Variants in SPTBN2 observed in about 807,000 individuals in gnomAD.
SPTBN2 encodes the protein spectrin beta, non-erythrocytic 2, also known as spectrin beta chain, non-erythrocytic 2.
SPTBN2 carries 107 observed loss-of-function variants against 284.2 expected under a neutral mutation model. The ratio of observed to expected loss-of-function variants is 0.38; its 90% confidence interval spans 0.32 to 0.44. The LOEUF (loss-of-function observed/expected upper bound fraction) is 0.44. Among genes scored for constraint, SPTBN2 ranks in the 20% least tolerant of loss-of-function variants. The pLI is 1.00. For missense variants in SPTBN2, 2,569 were observed against 3,287.1 expected, an observed-to-expected ratio of 0.78 and a Z score of 5.34; for synonymous variants, 1,289 against 1,354.8, an observed-to-expected ratio of 0.95 and a Z score of 1.07.
chr11:66,692,816 G>A, intron 25 of SPTBN2, 76 bp from the exon 26 acceptor site: 1 of 1,596,510 alleles, frequency 6.3e-7, no homozygotes, highest in Non-Finnish European at 8.5e-7. Context: ...GTGGAGCCCT[G>A]TCCCTCTGAG....
chr11:66,705,544 C>T (rs1941498196), intron 14 of SPTBN2, 76 bp from the exon 15 acceptor site: 4 of 1,607,212 alleles, frequency 2.5e-6, no homozygotes, highest in Non-Finnish European at 3.4e-6. Context: ...CTCTCTTGGA[C>T]TTCCCTCCCT....
rs990056397 is a variant in SPTBN2 at position 66,683,224 on chromosome 11, C to T, written c.*2647G>A. Among the ~76,000 whole-genome samples, 7 of 152,064 alleles carry T rather than the reference C, an allele frequency of 4.6e-5. No homozygotes were observed. The highest frequency in any genetic ancestry group is 1.2e-4 in the African/African-American group (5 of 41,506). The stretch of plus-strand genomic sequence containing the variant: ...CTGGGACTACAGGCGCCCGCCACTA[C>T]GCCCGGCTAATTTTTGTATTTTTAG... On this transcript the variant is annotated 3_prime_UTR_variant, in exon 38 of 38. Transcript: ENST00000533211.
upstream of SPTBN2, among the ~76,000 whole-genome samples, chr11:66,729,809 AT>A (rs1168094730): frequency 6.6e-6 from 1 of 151,926 alleles, no homozygotes; most frequent in Non-Finnish European, 1.5e-5. Flanking sequence ...ATTTATTATT[AT>A]TATTATTTTG....
In SPTBN2 at chr11:66,687,778, C is replaced by G; in HGVS notation, c.6501+90G>C. The G allele has an allele frequency of 6.3e-7, 1 of 1,594,810 alleles. No homozygotes were observed. Among genetic ancestry groups the G allele is most frequent in the South Asian group, 1.1e-5 (1 of 90,566 alleles). ...CTGTGAGCCTCTGCCCTCTCCCATC[C>G]CATCCCCAGTACTCCCCCACCCGCA... On this transcript the variant is annotated intron_variant, in intron 34 of 37. Transcript: ENST00000533211. The surrounding 1 kb of genome is among the most constrained non-coding windows in gnomAD (Gnocchi z 5.2).
chr11:66,704,761 C>A lies in SPTBN2; in HGVS notation c.2515G>T (p.Ala839Ser). The A allele has an allele frequency of 6.2e-7, 1 of 1,604,256 alleles. No homozygotes were observed. Among genetic ancestry groups the A allele is most frequent in the Non-Finnish European group, 8.5e-7 (1 of 1,177,430 alleles). Residue 839 changes from alanine (A) to serine (S), a missense_variant, in exon 15 of 38, where the codon GCC (alanine) becomes TCC (serine). Around this residue, in one of 6 missense-constraint regions of SPTBN2, gnomAD observed 1,012 missense variants for 1,248.9 expected, o/e 0.81. Transcript: ENST00000533211. Reference protein sequence around the residue: ...TLERHYEELQARAGERARALE... With the variant: ...TLERHYEELQSRAGERARALE... Reference sequence around the variant, plus strand: ...GCCCGCGCTCGCTCGCCTGCCCGGGCCTGCAGCTCCTCGTAGTGCCGCTCC... The same window carrying A: ...GCCCGCGCTCGCTCGCCTGCCCGGGACTGCAGCTCCTCGTAGTGCCGCTCC...
rs766259767 is a variant in SPTBN2, at chr11:66,710,684, G to A, written c.971C>T (p.Thr324Met). The change falls in exon 10 of 38, where the codon ACG becomes ATG. Residue 324 changes from threonine to methionine, a missense_variant. Transcript: ENST00000533211. This position sits in a 1 kb window ranked among gnomAD's most constrained non-coding sequence, Gnocchi z 4.9. Reference sequence around the variant, plus strand: ...CTGCCGGTCATTGAGGGTCACGATCGTTTGCTCGATCCACTGCAGCAGCTC... The same window carrying A: ...CTGCCGGTCATTGAGGGTCACGATCATTTGCTCGATCCACTGCAGCAGCTC... ...ASELLQWIEQ[T>M]IVTLNDRQLA... The A allele has an allele frequency of 1.5e-5, 24 of 1,614,056 alleles. No individual in the cohort carries two copies. The highest frequency in any genetic ancestry group is 5.0e-5 in the Admixed American group (3 of 60,006).
chr11:66,720,806 G>A (rs892121352), intron 3 of SPTBN2, among the ~76,000 whole-genome samples: 13 of 152,122 alleles, frequency 8.5e-5, no homozygotes, highest in African/African-American at 2.7e-4. Flanking sequence ...GACATGACCC[G>A]GGGGCTGAGG....
At chr11:66,733,644 C>T (rs1942830411), upstream of SPTBN2, among the ~76,000 whole-genome samples, 1 of 151,950 alleles carries the variant, frequency 6.6e-6, no homozygotes, top group Admixed American at 6.6e-5. Flanking sequence ...ACTTAAGATA[C>T]CCATTTGGAA....
rs1939944752 is a variant in SPTBN2, at chr11:66,683,959, G to A, written c.*1912C>T. ...CCATGACAGATTGTTCTAGTTACGC[G>A]TATCCACCTGTTGGCTGTGGAACAG... On this transcript the variant is annotated 3_prime_UTR_variant, in exon 38 of 38. Transcript: ENST00000533211. Among the ~76,000 whole-genome samples the A allele has an allele frequency of 6.6e-6, 1 of 152,318 alleles. No homozygotes were observed. The highest frequency in any genetic ancestry group is 1.9e-4 in the East Asian group (1 of 5,194).
upstream of SPTBN2, among the ~76,000 whole-genome samples, chr11:66,732,764 G>C (rs181498096): frequency 6.6e-6 from 1 of 151,004 alleles, no homozygotes; most frequent in Non-Finnish European, 1.5e-5. Context: ...TCAGGAGTTC[G>C]AGACTAGCCT....
rs761054654 is a variant in SPTBN2, at chr11:66,714,445, A to G, written c.484-38T>C. The G allele has an allele frequency of 2.6e-6, 4 of 1,533,556 alleles. No homozygotes were observed. The African/African-American group carries it at 4.1e-5, about 16-fold the overall frequency. The allele number at this position is 1,533,556 out of a possible 1,614,324, so 95.0% of individuals were successfully genotyped here. ...CAAGCAGGGCCCTCAGTCCCTGGAC[A>G]GGAACTCCTGGTGTTATCAGAGATG... On this transcript the variant is annotated intron_variant, in intron 5 of 37. Transcript: ENST00000533211.
chr11:66,693,392 G>A lies in SPTBN2; in HGVS notation c.4648C>T (p.Arg1550Trp), dbSNP rs757086442. 35 of 1,601,540 alleles carry A rather than the reference G, an allele frequency of 2.2e-5. No individual in the cohort carries two copies. The highest frequency in any genetic ancestry group is 1.6e-4 in the South Asian group (15 of 91,076). The stretch of plus-strand genomic sequence containing the variant: ...GCTGCTGCACCTAGAGCACGCTGCC[G>A]CTCCCTCAGGTCCGCGATCCGGGGC... Reference protein sequence around the residue: ...HEPRIADLRERQRALGAAAAG... With the variant: ...HEPRIADLREWQRALGAAAAG... The change falls in exon 24 of 38, where the codon CGG becomes TGG. Residue 1550 changes from arginine (R) to tryptophan (W), a missense_variant. By Grantham distance (101) the Arg-to-Trp change is moderately radical (BLOSUM62 -3). Transcript: ENST00000533211. The surrounding 1 kb of genome is among the most constrained non-coding windows in gnomAD (Gnocchi z 5.7).
intron 1 of SPTBN2, among the ~76,000 whole-genome samples, chr11:66,743,706 G>C (rs1942922093): frequency 6.6e-6 from 1 of 152,200 alleles, no homozygotes; most frequent in Non-Finnish European, 1.5e-5. Flanking sequence ...AGAAAAGCCA[G>C]CTCCTGGTCT....
chr11:66,697,931 T>C (rs936938423), intron 20 of SPTBN2, among the ~76,000 whole-genome samples: 3 of 152,188 alleles, frequency 2.0e-5, no homozygotes, highest in Admixed American at 2.0e-4. Flanking sequence ...TCTCCTTTTG[T>C]CCCAACCATC....
In SPTBN2 at chr11:66,691,651, C is replaced by T. The variant is rs1413593883; in HGVS notation, c.5198G>A (p.Arg1733Gln). The change falls in exon 27 of 38, where the codon CGA becomes CAA. Residue 1733 changes from arginine (R) to glutamine (Q), a missense_variant. Arg to Gln is a conservative substitution (Grantham distance 43, BLOSUM62 1). Around this residue, in one of 6 missense-constraint regions of SPTBN2, gnomAD observed 1,130 missense variants for 1,317.3 expected, o/e 0.86. Coordinates refer to ENST00000533211, the MANE Select transcript of SPTBN2 (RefSeq NM_006946.4). The surrounding 1 kb of genome is among the most constrained non-coding windows in gnomAD (Gnocchi z 8.0). ...GQDYEHVTMLRDKFREFSRDT... is the reference protein window; with the variant it reads ...GQDYEHVTMLQDKFREFSRDT... Reference sequence around the variant, plus strand: ...CCGGGAGAACTCTCGGAATTTGTCTCGGAGCATCTGGTAGAGGAAGCAGAT... The same window carrying T: ...CCGGGAGAACTCTCGGAATTTGTCTTGGAGCATCTGGTAGAGGAAGCAGAT... 4 of 1,613,696 alleles carry T rather than the reference C, an allele frequency of 2.5e-6. No homozygotes were observed. The highest frequency in any genetic ancestry group is 2.2e-5 in the East Asian group (1 of 44,884).
intron 37 of SPTBN2, 67 bp from the exon 38 acceptor site, chr11:66,686,171 G>T: frequency 6.6e-7 from 1 of 1,518,310 alleles, no homozygotes; most frequent in East Asian, 2.3e-5. Flanking sequence ...GTGGACAGCA[G>T]GGAAGTGTAA....
intron 22 of SPTBN2, 127 bp downstream of exon 22, chr11:66,694,011 AG>A: frequency 7.5e-7 from 1 of 1,331,840 alleles, no homozygotes; most frequent in Non-Finnish European, 1.1e-6. Flanking sequence ...GTCTCCCTAT[AG>A]GGGAGATGGT....
Position 66,687,468 on chromosome 11 carries a change from G to A in SPTBN2, c.6681C>T (p.Arg2227=), listed in dbSNP as rs1342228512. ...AQEQMEGMLC[R]KQEMEAFGKK... ...TCCCGAAGGCCTCCATCTCCTGCTT[G>A]CGGCACAGCATCCCCTCCATCTGCT... The change falls in exon 35 of 38, where the codon CGC becomes CGT. Residue 2227 remains arginine (R), a synonymous_variant. Transcript: ENST00000533211. This position sits in a 1 kb window ranked among gnomAD's most constrained non-coding sequence, Gnocchi z 5.2. 3 of 1,609,730 alleles carry A rather than the reference G, an allele frequency of 1.9e-6. No individual in the cohort carries two copies. Among genetic ancestry groups the A allele is most frequent in the South Asian group, 1.1e-5 (1 of 91,088 alleles).
rs766069898 is a variant in SPTBN2 at position 66,687,517 on chromosome 11, C to T, written c.6632G>A (p.Arg2211Gln). 6.2e-6 allele frequency: 10 copies of T among 1,611,828 alleles called. No individual in the cohort carries two copies. Among genetic ancestry groups the T allele is most frequent in the African/African-American group, 2.7e-5 (2 of 74,870 alleles). Residue 2211 changes from arginine to glutamine, a missense_variant, in exon 35 of 38, where the codon CGA becomes CAA. This residue lies in a region of SPTBN2 where 1,130 missense variants were observed against 1,317.3 expected (regional missense o/e 0.86). Coordinates refer to ENST00000533211, the MANE Select transcript of SPTBN2 (RefSeq NM_006946.4). The surrounding 1 kb of genome is among the most constrained non-coding windows in gnomAD (Gnocchi z 5.2). The part of the protein sequence containing the change: ...ESAHAATLPP[R>Q]GPEPSAQEQM... ...CTCCTGGGCAGATGGCTCTGGGCCTCGAGGCGGCAGGGTGGCAGCATGGGC... is the reference window on the plus strand; with the variant it reads ...CTCCTGGGCAGATGGCTCTGGGCCTTGAGGCGGCAGGGTGGCAGCATGGGC...
Sources: gnomAD v4.1 joint callset for allele counts (sites outside exome capture counted in the v4.1 genomes callset) on GRCh38, gnomAD v4.1.1 for gene constraint, gnomAD v4.1.1 regional missense constraint, Gnocchi (gnomAD v3.1) non-coding constraint, MANE v1.5 for transcripts, NCBI Gene and HGNC (gene_info 2026-07-23, HGNC 2026-07-21) for gene names.